KIRREL3: variants seen among roughly 807,000 people sequenced by gnomAD.
KIRREL3 encodes the protein kin of IRRE-like protein 3.
Under a neutral mutation model 89.7 loss-of-function variants are expected in KIRREL3, and 36 were observed. That is an observed-to-expected ratio of 0.40 (90% CI 0.31 to 0.53). The LOEUF (loss-of-function observed/expected upper bound fraction) is 0.53. Ranked by LOEUF, KIRREL3 falls within the 20% of genes least tolerant of loss-of-function variation. The pLI is 0.49. For synonymous variants in KIRREL3, 445 were observed against 441.4 expected (o/e 1.01, Z -0.10); for missense variants, 864 against 1,056.6 (o/e 0.82, Z 2.53).
At chr11:126,596,558 G>A (rs1346180504) in intron 1 of KIRREL3, among the ~76,000 whole-genome samples, 1 of 152,262 alleles carries the variant, frequency 6.6e-6, no homozygotes, top group Non-Finnish European at 1.5e-5. Context: ...ATGTTTCTTA[G>A]CTGCATTGAG....
In KIRREL3 at chr11:126,985,067, T is replaced by C. The variant is rs1949822913; in HGVS notation, c.55+15388A>G. Among the ~76,000 whole-genome samples, 1 of 152,214 alleles carries C rather than the reference T, an allele frequency of 6.6e-6. No homozygotes were observed. The highest frequency in any genetic ancestry group is 2.4e-5 in the African/African-American group (1 of 41,460). ...AAAGTGTTCTGGAACTATGAAATACTATACACATGCAAGGAAGGATTAAAT... is the reference window on the plus strand; with the variant it reads ...AAAGTGTTCTGGAACTATGAAATACCATACACATGCAAGGAAGGATTAAAT... On this transcript the variant is annotated intron_variant, in intron 1 of 16. Coordinates refer to ENST00000525144, the MANE Select transcript of KIRREL3 (RefSeq NM_032531.4). This position sits in a 1 kb window ranked among gnomAD's most constrained non-coding sequence, Gnocchi z 5.3.
intron 1 of KIRREL3, among the ~76,000 whole-genome samples, chr11:126,787,011 C>A (rs991231119): frequency 6.6e-6 from 1 of 152,136 alleles, no homozygotes; most frequent in Admixed American, 6.5e-5. Flanking sequence ...CCCTTATCTG[C>A]AGTTAGAGGA....
rs929550033 is a variant in KIRREL3 at position 126,900,896 on chromosome 11, G to C, written c.55+99559C>G. Reference sequence around the variant, plus strand: ...TAACTGATTTTTTGTATGTAAAACTGTAGGAAAAAAGGGAAAGTTGGAAGG... The same window carrying C: ...TAACTGATTTTTTGTATGTAAAACTCTAGGAAAAAAGGGAAAGTTGGAAGG... On this transcript the variant is annotated intron_variant, in intron 1 of 16. Transcript: ENST00000525144. This position sits in a 1 kb window ranked among gnomAD's most constrained non-coding sequence, Gnocchi z 4.4. 6.6e-6 allele frequency among the ~76,000 whole-genome samples: 1 copy of C among 152,098 alleles called. No homozygotes were observed. Among genetic ancestry groups the C allele is most frequent in the Non-Finnish European group, 1.5e-5 (1 of 68,010 alleles).
At position 126,742,587 on chromosome 11, in the gene KIRREL3, G is replaced by T. The variant is rs1214704346; in HGVS notation, c.56-179675C>A. On this transcript the variant is annotated intron_variant, in intron 1 of 16. Transcript: ENST00000525144. The surrounding 1 kb of genome is among the most constrained non-coding windows in gnomAD (Gnocchi z 5.3). ...TCACCATGGGCATGAGGAAACCAAG[G>T]TTCAGAGAGGGCAAGTGACTTGTCA... 6.6e-6 allele frequency among the ~76,000 whole-genome samples: 1 copy of T among 152,198 alleles called. No homozygotes were observed. Among genetic ancestry groups the T allele is most frequent in the Non-Finnish European group, 1.5e-5 (1 of 68,036 alleles).
chr11:126,681,168 G>A (rs1479628532), intron 1 of KIRREL3, among the ~76,000 whole-genome samples: 1 of 152,090 alleles, frequency 6.6e-6, no homozygotes, highest in Admixed American at 6.5e-5. Context: ...ACTTCCCAAA[G>A]GTCCCCCTTG....
Position 126,430,920 on chromosome 11 carries a change from G to A in KIRREL3, c.1696+499C>T. 7.3e-6 allele frequency: 7 copies of A among 960,420 alleles called. No individual in the cohort carries two copies. The highest frequency in any genetic ancestry group is 8.7e-6 in the Non-Finnish European group (7 of 800,206). The allele number at this position is 960,420 out of a possible 1,614,324, so 59.5% of individuals were successfully genotyped here. ...CGTGCACAAACACTAGAATTTTATT[G>A]GTAATCACTGAAGACCTTTAAAAGT... On this transcript the variant is annotated intron_variant, in intron 14 of 16. Coordinates refer to ENST00000525144, the MANE Select transcript of KIRREL3 (RefSeq NM_032531.4). This position sits in a 1 kb window ranked among gnomAD's most constrained non-coding sequence, Gnocchi z 6.6.
At chr11:126,631,343 C>T (rs1944018407) in intron 1 of KIRREL3, among the ~76,000 whole-genome samples, 1 of 152,144 alleles carries the variant, frequency 6.6e-6, no homozygotes, top group African/African-American at 2.4e-5. Flanking sequence ...AATGTCGGAG[C>T]CAGAGTTTGA....
chr11:126,731,645 G>T (rs10893557), intron 1 of KIRREL3, among the ~76,000 whole-genome samples: 58,444 of 152,116 alleles, frequency 0.38, 12,368 homozygotes, highest in East Asian at 0.84. Context: ...ACTAGGACTG[G>T]CATTCAGGTC....
At chr11:126,823,660 A>G (rs1943302104) in intron 1 of KIRREL3, among the ~76,000 whole-genome samples, 1 of 152,206 alleles carries the variant, frequency 6.6e-6, no homozygotes, top group Non-Finnish European at 1.5e-5. Context: ...ATAGGGAGAA[A>G]TCAGTCTCCA....
chr11:126,540,853 G>A (rs1938310827), intron 2 of KIRREL3, among the ~76,000 whole-genome samples: 1 of 152,220 alleles, frequency 6.6e-6, no homozygotes, highest in South Asian at 2.1e-4. Flanking sequence ...GCCTGTTGCT[G>A]GCCAGCCATG....
chr11:126,572,829 A>G (rs548226016), intron 1 of KIRREL3, among the ~76,000 whole-genome samples: 1 of 152,202 alleles, frequency 6.6e-6, no homozygotes, highest in African/African-American at 2.4e-5. Flanking sequence ...GGCCCACATA[A>G]AACTCTGATC....
At chr11:126,857,894 C>T (rs1310790720) in intron 1 of KIRREL3, among the ~76,000 whole-genome samples, 1 of 152,074 alleles carries the variant, frequency 6.6e-6, no homozygotes, top group Non-Finnish European at 1.5e-5. Context: ...AAACCTACCG[C>T]TATCCTCTGT....
intron 1 of KIRREL3, among the ~76,000 whole-genome samples, chr11:126,880,635 T>TG (rs1305078316): frequency 7.5e-6 from 1 of 132,960 alleles, no homozygotes; most frequent in Non-Finnish European, 1.7e-5. Flanking sequence ...TCAAAAGTTG[T>TG]GGTTTTTTTT....
intron 1 of KIRREL3, among the ~76,000 whole-genome samples, chr11:126,928,626 G>A (rs1947816242): frequency 6.6e-6 from 1 of 152,264 alleles, no homozygotes; most frequent in African/African-American, 2.4e-5. Flanking sequence ...TGTTAGCCAT[G>A]CTTGGGGGAG....
chr11:126,912,739 C>T lies in KIRREL3; in HGVS notation c.55+87716G>A, dbSNP rs1290942616. 6.6e-6 allele frequency among the ~76,000 whole-genome samples: 1 copy of T among 152,242 alleles called. No homozygotes were observed. Among genetic ancestry groups the T allele is most frequent in the Non-Finnish European group, 1.5e-5 (1 of 68,040 alleles). ...GGCACAACAGAGCATCCTGCTGTAT[C>T]AGCCTAATTACCAGCCTCTCCTTCC... On this transcript the variant is annotated intron_variant, in intron 1 of 16. Coordinates refer to ENST00000525144, the MANE Select transcript of KIRREL3 (RefSeq NM_032531.4). This position sits in a 1 kb window ranked among gnomAD's most constrained non-coding sequence, Gnocchi z 4.7.
In KIRREL3 at chr11:126,474,695, C is replaced by A. The variant is rs540923210; in HGVS notation, c.434-1229G>T. On this transcript the variant is annotated intron_variant, in intron 4 of 16. Transcript: ENST00000525144. This position sits in a 1 kb window ranked among gnomAD's most constrained non-coding sequence, Gnocchi z 6.7. ...GTGCCAGGAAGAGGGCCATCCGCGTCGGAGCACGGTCTCCGCAGTGCCCAG... is the reference window on the plus strand; with the variant it reads ...GTGCCAGGAAGAGGGCCATCCGCGTAGGAGCACGGTCTCCGCAGTGCCCAG... Among the ~76,000 whole-genome samples the A allele has an allele frequency of 6.6e-6, 1 of 152,318 alleles. No individual in the cohort carries two copies. The highest frequency in any genetic ancestry group is 2.1e-4 in the South Asian group (1 of 4,830).
chr11:126,963,317 A>T (rs1949153243), intron 1 of KIRREL3, among the ~76,000 whole-genome samples: 1 of 151,068 alleles, frequency 6.6e-6, no homozygotes, highest in South Asian at 2.1e-4. Flanking sequence ...ACATACACAC[A>T]CACACACACA....
At position 126,778,279 on chromosome 11, in the gene KIRREL3, T is replaced by G. The variant is rs1399192161; in HGVS notation, c.56-215367A>C. Among the ~76,000 whole-genome samples, 1 of 152,218 alleles carries G rather than the reference T, an allele frequency of 6.6e-6. No individual in the cohort carries two copies. The highest frequency in any genetic ancestry group is 1.5e-5 in the Non-Finnish European group (1 of 68,044). The stretch of plus-strand genomic sequence containing the variant: ...TATCTTGCTTCTTCACTTAAAAATA[T>G]TTTGGAAACTAGTGCAAGAGGAGGC... On this transcript the variant is annotated intron_variant, in intron 1 of 16. Transcript: ENST00000525144. The surrounding 1 kb of genome is among the most constrained non-coding windows in gnomAD (Gnocchi z 4.5).
rs558278944 is a variant in KIRREL3 at position 126,863,578 on chromosome 11, TGTGA to T, written c.55+136873_55+136876del. 3.4e-4 allele frequency among the ~76,000 whole-genome samples: 49 copies of T among 144,714 alleles called. 1 individual carries two copies. Among genetic ancestry groups the T allele is most frequent in the Middle Eastern group, 3.8e-3 (1 of 264 alleles). The allele number at this position is 144,714 out of a possible 152,430, so 94.9% of individuals were successfully genotyped here. A position where few individuals can be genotyped will look rare whatever the true frequency, so the allele number is the denominator to read the frequency against. On this transcript the variant is annotated intron_variant, in intron 1 of 16. Transcript: ENST00000525144. Reference sequence around the variant, plus strand: ...GCATGTGTGAGTGTGTTTGACTGCGTGTGAGTGTGTGTTTGAGTGCGTGTGTGTT... The same window carrying T: ...GCATGTGTGAGTGTGTTTGACTGCGTGTGTGTGTTTGAGTGCGTGTGTGTT...
Sources: allele counts gnomAD v4.1 joint callset (sites outside exome capture counted in the v4.1 genomes callset), GRCh38; gene constraint gnomAD v4.1.1; non-coding constraint Gnocchi (gnomAD v3.1); transcripts MANE v1.5; gene names NCBI Gene and HGNC (gene_info 2026-07-23, HGNC 2026-07-21).